The following LRRFIP2 variants were observed in gnomAD, a reference collection of about 807,000 sequenced individuals.
The protein encoded by LRRFIP2 is leucine-rich repeat flightless-interacting protein 2.
Under a neutral mutation model 125.9 loss-of-function variants are expected in LRRFIP2, and 109 were observed. The ratio of observed to expected loss-of-function variants is 0.87; its 90% confidence interval spans 0.74 to 1.01. LRRFIP2 has a LOEUF of 1.01. Among genes scored for constraint, LRRFIP2 ranks in the 50% least tolerant of loss-of-function variants. The pLI, the probability that LRRFIP2 is intolerant of heterozygous loss-of-function variation, is 0.00. For missense variants in LRRFIP2, 850 were observed against 862.3 expected, an observed-to-expected ratio of 0.99 and a Z score of 0.18; for synonymous variants, 291 against 293.1, an observed-to-expected ratio of 0.99 and a Z score of 0.07.
chr3:37,106,147 T>C (rs1576670676), intron 13 of LRRFIP2, among the ~76,000 whole-genome samples: 1 of 152,132 alleles, frequency 6.6e-6, no homozygotes, highest in Non-Finnish European at 1.5e-5. Flanking sequence ...TCTGGGCCCT[T>C]TGGGATCCCA....
chr3:37,140,106 CCT>C (rs1249876800), intron 2 of LRRFIP2, among the ~76,000 whole-genome samples: 2 of 152,174 alleles, frequency 1.3e-5, no homozygotes, highest in African/African-American at 4.8e-5. Context: ...TCCTGGTTTT[CCT>C]CTTTATTCTC....
In LRRFIP2 at chr3:37,121,539, G is replaced by C. The variant is rs1559939494; in HGVS notation, c.286-3C>G. ...ATGGACAATGCATCCTCAACTCCCT[G>C]ATAAAAATGAAAATAAACACAGTAA... On this transcript the variant is annotated splice_region_variant and splice_polypyrimidine_tract_variant and intron_variant, in intron 5 of 27. Transcript: ENST00000336686. 5.6e-6 allele frequency: 9 copies of C among 1,613,748 alleles called. No individual in the cohort carries two copies. Among genetic ancestry groups the C allele is most frequent in the Non-Finnish European group, 6.8e-6 (8 of 1,179,760 alleles).
At chr3:37,129,037 A>G (rs759566838) in intron 3 of LRRFIP2, 26 bp downstream of exon 3, 51 of 1,599,010 alleles carry the variant, frequency 3.2e-5, no homozygotes, top group East Asian at 6.7e-5. Flanking sequence ...GACAAATATG[A>G]AATTAGGGTT....
intron 19 of LRRFIP2, among the ~76,000 whole-genome samples, chr3:37,079,012 T>C (rs973947697): frequency 1.3e-5 from 2 of 152,186 alleles, no homozygotes; most frequent in Non-Finnish European, 2.9e-5. Flanking sequence ...ATTCCTTTTT[T>C]TGAAAACTCA....
intron 24 of LRRFIP2, among the ~76,000 whole-genome samples, chr3:37,061,342 C>T (rs570300987): frequency 6.6e-6 from 1 of 152,096 alleles, no homozygotes; most frequent in East Asian, 1.9e-4. Context: ...TGACAACATA[C>T]TTCCTCTACA....
chr3:37,059,036 T>C (rs2087744945), intron 24 of LRRFIP2, 126 bp from the exon 25 acceptor site: 5 of 1,168,000 alleles, frequency 4.3e-6, no homozygotes, highest in South Asian at 2.9e-5. Context: ...TCAAAACCTA[T>C]TTTCTTGAGT....
intron 2 of LRRFIP2, among the ~76,000 whole-genome samples, chr3:37,132,539 A>T (rs2095453838): frequency 6.6e-6 from 1 of 152,188 alleles, no homozygotes; most frequent in South Asian, 2.1e-4. Flanking sequence ...CTCAGATGTT[A>T]CCTCCCTTGG....
chr3:37,085,289 C>A (rs1007740669), intron 18 of LRRFIP2, among the ~76,000 whole-genome samples: 1 of 151,998 alleles, frequency 6.6e-6, no homozygotes, highest in African/African-American at 2.4e-5. Flanking sequence ...GCAGGTGGAT[C>A]ACTTGAGGTC....
rs1490966499 is a variant in LRRFIP2 at position 37,094,812 on chromosome 3, T to C, written c.1015A>G (p.Thr339Ala). The stretch of plus-strand genomic sequence containing the variant: ...TTTACCCGCAATTCACTTAATGAAG[T>C]GTCTGGATCTATTAAGCTGCTGGTG... ...GDTSSLIDPD[T>A]SLSELRDIYD... Residue 339 changes from threonine to alanine, a missense_variant, in exon 17 of 28, where the codon ACT becomes GCT. Transcript: ENST00000336686. The C allele has an allele frequency of 6.2e-7, 1 of 1,612,924 alleles. No individual in the cohort carries two copies. Among genetic ancestry groups the C allele is most frequent in the Non-Finnish European group, 8.5e-7 (1 of 1,179,090 alleles).
intron 18 of LRRFIP2, 65 bp downstream of exon 18, chr3:37,091,401 CA>C: frequency 7.4e-7 from 1 of 1,349,264 alleles, no homozygotes; most frequent in South Asian, 1.4e-5. Flanking sequence ...ACAGAACTTG[CA>C]AAGCCACCAT....
intron 1 of LRRFIP2, among the ~76,000 whole-genome samples, chr3:37,155,348 CAA>C (rs2096154282): frequency 6.6e-6 from 1 of 152,060 alleles, no homozygotes; most frequent in African/African-American, 2.4e-5. Context: ...TTTAACTAAA[CAA>C]AAATATCCTC....
chr3:37,150,599 ATG>A (rs2095996517), intron 1 of LRRFIP2, among the ~76,000 whole-genome samples: 1 of 152,200 alleles, frequency 6.6e-6, no homozygotes, highest in Admixed American at 6.5e-5. Context: ...CTTTGGTTAG[ATG>A]GTATTTGAGA....
In LRRFIP2 at chr3:37,128,372, G is replaced by C. The variant is rs187329971; in HGVS notation, c.177+691C>G. On this transcript the variant is annotated intron_variant, in intron 3 of 27. Coordinates refer to ENST00000336686, the MANE Select transcript of LRRFIP2 (RefSeq NM_006309.4). ...CCAAGTCAATGTCAGAAAAGTAAAA[G>C]CATATTTATTTCATTTTAATCAGCC... 2.0e-5 allele frequency among the ~76,000 whole-genome samples: 3 copies of C among 152,142 alleles called. No homozygotes were observed. The East Asian group carries it at 5.8e-4, about 29-fold the overall frequency.
intron 1 of LRRFIP2, among the ~76,000 whole-genome samples, chr3:37,159,556 G>A (rs1164553473): frequency 3.9e-5 from 6 of 152,004 alleles, no homozygotes; most frequent in Non-Finnish European, 7.4e-5. Flanking sequence ...GGCCAGGTTG[G>A]AGTGCAGTGG....
intron 2 of LRRFIP2, among the ~76,000 whole-genome samples, chr3:37,133,195 A>G (rs2095474416): frequency 6.6e-6 from 1 of 152,238 alleles, no homozygotes; most frequent in Non-Finnish European, 1.5e-5. Context: ...ACTGCACTCC[A>G]GCCTGGGCAA....
At chr3:37,156,109 G>C (rs371037635) in intron 1 of LRRFIP2, among the ~76,000 whole-genome samples, 1 of 151,958 alleles carries the variant, frequency 6.6e-6, no homozygotes, top group Non-Finnish European at 1.5e-5. Context: ...CCCTGGGCTC[G>C]AGCAATCCAC....
intron 21 of LRRFIP2, 177 bp from the exon 22 acceptor site, chr3:37,066,502 A>G: frequency 1.7e-6 from 1 of 591,984 alleles, no homozygotes. Context: ...ACATGGATAT[A>G]CATCTCCAGA....
chr3:37,135,134 T>C, intron 2 of LRRFIP2: 3 of 1,238,456 alleles, frequency 2.4e-6, no homozygotes, highest in Middle Eastern at 2.9e-4. Flanking sequence ...ATAACCTGCA[T>C]TATAGCTGGA....
intron 2 of LRRFIP2, 62 bp from the exon 3 acceptor site, chr3:37,129,211 T>C: frequency 6.9e-7 from 1 of 1,457,970 alleles, no homozygotes; most frequent in Non-Finnish European, 9.6e-7. Context: ...GTACACCAGA[T>C]TTGAAAATAA....
Sources: gnomAD v4.1 joint callset for allele counts (sites outside exome capture counted in the v4.1 genomes callset) on GRCh38, gnomAD v4.1.1 for gene constraint, MANE v1.5 for transcripts, NCBI Gene and HGNC (gene_info 2026-07-23, HGNC 2026-07-21) for gene names.